Variants in HS3ST4 observed in about 807,000 individuals in gnomAD.
The protein encoded by HS3ST4 is heparan sulfate-glucosamine 3-sulfotransferase 4.
In HS3ST4, 17 loss-of-function variants were observed where a neutral mutation model predicts 29.2. The observed-to-expected ratio is 0.58, with a 90% confidence interval of 0.40 to 0.87. The LOEUF (loss-of-function observed/expected upper bound fraction) is 0.87. Ranked by LOEUF, HS3ST4 falls within the 40% of genes least tolerant of loss-of-function variation. HS3ST4 has a pLI of 0.00. For missense variants in HS3ST4, 627 were observed against 634.5 expected (o/e 0.99, Z 0.13); for synonymous variants, 314 against 285.7 (o/e 1.10, Z -1.00).
chr16:25,851,198 T>C (rs1263300168), intron 1 of HS3ST4, among the ~76,000 whole-genome samples: 1 of 152,190 alleles, frequency 6.6e-6, no homozygotes, highest in East Asian at 1.9e-4. Context: ...GTTTAGATTA[T>C]ATGTTTGTTT....
chr16:26,110,763 C>T (rs922906693), intron 1 of HS3ST4, among the ~76,000 whole-genome samples: 5 of 152,146 alleles, frequency 3.3e-5, no homozygotes, highest in Admixed American at 2.0e-4. Flanking sequence ...TCACGGCACT[C>T]AGAATAAAGT....
Position 26,059,682 on chromosome 16 carries a change from G to A in HS3ST4, c.735-75930G>A, listed in dbSNP as rs187126094. On this transcript the variant is annotated intron_variant, in intron 1 of 1. Transcript: ENST00000331351. The stretch of plus-strand genomic sequence containing the variant: ...GTGAAGATCATGATAACACCTCACT[G>A]GGATTTGATAGGATTAAATTGGTTA... Among the ~76,000 whole-genome samples, 191 of 152,202 alleles carry A rather than the reference G, an allele frequency of 1.3e-3. 1 individual carries two copies. Among genetic ancestry groups the A allele is most frequent in the African/African-American group, 4.5e-3 (188 of 41,526 alleles).
At chr16:26,063,367 C>G (rs751018046) in intron 1 of HS3ST4, among the ~76,000 whole-genome samples, 9 of 152,054 alleles carry the variant, frequency 5.9e-5, no homozygotes, top group Non-Finnish European at 1.0e-4. Flanking sequence ...TGAGACCATG[C>G]TCAGCCTTGT....
chr16:25,734,587 A>T (rs1187676900), intron 1 of HS3ST4, among the ~76,000 whole-genome samples: 1 of 152,158 alleles, frequency 6.6e-6, no homozygotes, highest in Non-Finnish European at 1.5e-5. Flanking sequence ...AGAAAGATGT[A>T]ATTCCTCCCT....
chr16:25,776,605 A>G (rs575805668), intron 1 of HS3ST4, among the ~76,000 whole-genome samples: 1 of 152,318 alleles, frequency 6.6e-6, no homozygotes, highest in Non-Finnish European at 1.5e-5. Context: ...CCTTGGCAAA[A>G]TAAACTTTCT....
chr16:26,113,122 C>G (rs1899154230), intron 1 of HS3ST4, among the ~76,000 whole-genome samples: 1 of 152,070 alleles, frequency 6.6e-6, no homozygotes, highest in African/African-American at 2.4e-5. Context: ...AATGGATGGG[C>G]ACACAAGAAT....
At chr16:25,738,435 A>T (rs1258274606) in intron 1 of HS3ST4, among the ~76,000 whole-genome samples, 1 of 151,940 alleles carries the variant, frequency 6.6e-6, no homozygotes, top group East Asian at 1.9e-4. Flanking sequence ...CTCCCTTTTG[A>T]TCAGTGGTTC....
intron 1 of HS3ST4, among the ~76,000 whole-genome samples, chr16:25,778,627 A>C (rs190017571): frequency 6.6e-6 from 1 of 152,178 alleles, no homozygotes; most frequent in Non-Finnish European, 1.5e-5. Context: ...CTGACCCTTT[A>C]TAATATGAGT....
intron 1 of HS3ST4, among the ~76,000 whole-genome samples, chr16:25,807,760 C>T (rs994236343): frequency 1.3e-5 from 2 of 152,070 alleles, no homozygotes; most frequent in East Asian, 1.9e-4. Flanking sequence ...TTTACATTTC[C>T]GCTAGCAATG....
intron 1 of HS3ST4, among the ~76,000 whole-genome samples, chr16:25,976,927 T>TCC (rs199622369): frequency 4.0e-5 from 1 of 25,058 alleles, no homozygotes; most frequent in Non-Finnish European, 1.2e-4. Flanking sequence ...CATGTAATTT[T>TCC]CACGTCGCAA....
intron 1 of HS3ST4, among the ~76,000 whole-genome samples, chr16:25,925,478 A>T (rs191899909): frequency 6.6e-6 from 1 of 152,234 alleles, no homozygotes; most frequent in East Asian, 1.9e-4. Flanking sequence ...TCAGTGTCAC[A>T]GATTACGCCG....
intron 1 of HS3ST4, among the ~76,000 whole-genome samples, chr16:25,828,928 G>A (rs1421631693): frequency 6.6e-6 from 1 of 152,198 alleles, no homozygotes; most frequent in Non-Finnish European, 1.5e-5. Flanking sequence ...AGGTTCATGT[G>A]AGAATTTAAT....
intron 1 of HS3ST4, among the ~76,000 whole-genome samples, chr16:25,813,097 A>G (rs577629809): frequency 1.2e-3 from 184 of 152,352 alleles, no homozygotes; most frequent in Non-Finnish European, 2.2e-3. Flanking sequence ...CGTATCTACA[A>G]TACAAATACA....
intron 1 of HS3ST4, among the ~76,000 whole-genome samples, chr16:25,837,589 T>C (rs1967370445): frequency 6.6e-6 from 1 of 152,118 alleles, no homozygotes; most frequent in Non-Finnish European, 1.5e-5. Context: ...TTTGATGGGA[T>C]ATGTGAATAT....
rs1443716424 is a variant in HS3ST4 at position 25,692,984 on chromosome 16, C to T, written c.567C>T (p.Thr189=). 4.3e-6 allele frequency: 7 copies of T among 1,611,300 alleles called. No homozygotes were observed. The highest frequency in any genetic ancestry group is 3.3e-5 in the South Asian group (3 of 90,844). ...GSSERGGAVS[T]PDYGEKKLPQ... ...GCGAGAGGGGCGGCGCCGTCAGCACCCCCGACTATGGGGAGAAGAAGCTGC... is the reference window on the plus strand; with the variant it reads ...GCGAGAGGGGCGGCGCCGTCAGCACTCCCGACTATGGGGAGAAGAAGCTGC... Residue 189 remains threonine (T), a synonymous_variant, in exon 1 of 2, where the codon ACC becomes ACT. Transcript: ENST00000331351.
intron 1 of HS3ST4, among the ~76,000 whole-genome samples, chr16:26,126,766 A>T (rs1165205211): frequency 6.6e-6 from 1 of 152,202 alleles, no homozygotes; most frequent in African/African-American, 2.4e-5. Flanking sequence ...GCTTCTGACC[A>T]TCTTAAAATT....
At chr16:26,117,145 C>T (rs1202447581) in intron 1 of HS3ST4, among the ~76,000 whole-genome samples, 4 of 152,158 alleles carry the variant, frequency 2.6e-5, no homozygotes, top group Non-Finnish European at 5.9e-5. Context: ...AGTTAGAATC[C>T]TCCCTGTGGG....
At chr16:26,135,121 G>A (rs185416172) in intron 1 of HS3ST4, among the ~76,000 whole-genome samples, 4 of 152,028 alleles carry the variant, frequency 2.6e-5, no homozygotes, top group African/African-American at 7.2e-5. Context: ...GACTAGATAA[G>A]CTTTGAGGTC....
At chr16:25,761,920 A>G (rs918956974) in intron 1 of HS3ST4, among the ~76,000 whole-genome samples, 2 of 152,114 alleles carry the variant, frequency 1.3e-5, no homozygotes, top group Non-Finnish European at 2.9e-5. Flanking sequence ...GGAGAGGTTG[A>G]GTGACTTTCT....
Sources: gnomAD v4.1 joint callset for allele counts (sites outside exome capture counted in the v4.1 genomes callset) on GRCh38, gnomAD v4.1.1 for gene constraint, MANE v1.5 for transcripts, NCBI Gene and HGNC (gene_info 2026-07-23, HGNC 2026-07-21) for gene names.